Variants in XIRP2 observed in about 807,000 individuals in gnomAD.
XIRP2 encodes xin actin binding repeat containing 2.
Under a neutral mutation model 277.0 loss-of-function variants are expected in XIRP2, and 236 were observed. The observed-to-expected ratio is 0.85, with a 90% CI of 0.77 to 0.95. The LOEUF (loss-of-function observed/expected upper bound fraction) is 0.95. Ranked by LOEUF, XIRP2 falls within the 40% of genes least tolerant of loss-of-function variation. XIRP2 has a pLI of 0.00. For missense variants in XIRP2, 4,640 were observed against 4,157.5 expected, an observed-to-expected ratio of 1.12 and a Z score of -3.19; for synonymous variants, 1,490 against 1,416.5, an observed-to-expected ratio of 1.05 and a Z score of -1.17.
At position 167,248,833 on chromosome 2, in the gene XIRP2, G is replaced by T. The variant is rs369831621; in HGVS notation, c.7441G>T (p.Val2481Phe). 8 of 1,612,910 alleles carry T rather than the reference G, an allele frequency of 5.0e-6. No individual in the cohort carries two copies. In the African/African-American group the frequency reaches 1.1e-4, roughly 22 times the overall value. ...TGAACACACGGAGACAAAGCAGAAC[G>T]TTATTAGTAAGAGTCTTGATGAAAG... is the stretch of plus-strand genomic sequence containing the variant. ...SSEHTETKQNVISKSLDERKQ... is the reference protein window; with the variant it reads ...SSEHTETKQNFISKSLDERKQ... Residue 2481 changes from valine to phenylalanine, a missense_variant, in exon 9 of 11, where the codon GTT becomes TTT. Physicochemically the swap from Val to Phe is conservative, Grantham distance 50 (BLOSUM62 -1). Coordinates refer to ENST00000409195, the MANE Select transcript of XIRP2 (RefSeq NM_152381.6).
At chr2:167,235,044 G>A (rs1003465508) in intron 5 of XIRP2, among the ~76,000 whole-genome samples, 5 of 151,814 alleles carry the variant, frequency 3.3e-5, no homozygotes, top group African/African-American at 1.2e-4. Context: ...CTCTGTGTAT[G>A]TGTTTGCTCT....
intron 2 of XIRP2, among the ~76,000 whole-genome samples, chr2:167,051,962 T>C (rs1483054104): frequency 6.6e-6 from 1 of 152,078 alleles, no homozygotes; most frequent in African/African-American, 2.4e-5. Flanking sequence ...GAAATCTCAT[T>C]AATTTGATTA....
At chr2:167,189,478 C>T (rs551474418) in intron 3 of XIRP2, among the ~76,000 whole-genome samples, 7 of 152,206 alleles carry the variant, frequency 4.6e-5, no homozygotes, top group African/African-American at 1.7e-4. Context: ...TTATTTGTTT[C>T]CCACCTCCTC....
chr2:167,198,221 T>C (rs557070427), intron 3 of XIRP2, among the ~76,000 whole-genome samples: 1 of 152,328 alleles, frequency 6.6e-6, no homozygotes, highest in African/African-American at 2.4e-5. Flanking sequence ...ACTGACATCA[T>C]CTCTTTCTTT....
chr2:167,053,681 C>G (rs1688972545), intron 2 of XIRP2, among the ~76,000 whole-genome samples: 1 of 152,046 alleles, frequency 6.6e-6, no homozygotes, highest in Non-Finnish European at 1.5e-5. Flanking sequence ...TACTTCATAC[C>G]AATTTTAATA....
intron 2 of XIRP2, among the ~76,000 whole-genome samples, chr2:167,035,941 G>A (rs1203062822): frequency 6.6e-6 from 1 of 152,210 alleles, no homozygotes; most frequent in Non-Finnish European, 1.5e-5. Context: ...AGCTTGGGCT[G>A]TGGCTTCAGA....
intron 2 of XIRP2, among the ~76,000 whole-genome samples, chr2:167,066,596 A>T (rs535980559): frequency 6.6e-6 from 1 of 152,084 alleles, no homozygotes; most frequent in Non-Finnish European, 1.5e-5. Context: ...GAGTTACCAT[A>T]TTAACTAGCA....
At chr2:167,193,931 A>G (rs1693424928) in intron 3 of XIRP2, among the ~76,000 whole-genome samples, 1 of 151,690 alleles carries the variant, frequency 6.6e-6, no homozygotes, top group Non-Finnish European at 1.5e-5. Flanking sequence ...GTATCTTGTA[A>G]TTATTTGTAT....
intron 1 of XIRP2, among the ~76,000 whole-genome samples, chr2:166,897,690 A>G (rs965370790): frequency 1.1e-4 from 16 of 152,272 alleles, no homozygotes; most frequent in African/African-American, 3.1e-4. Context: ...TTCATGGAGA[A>G]GGTGTGGTTC....
chr2:166,917,562 A>C lies in XIRP2; in HGVS notation c.408+13672A>C, dbSNP rs1019222771. 2.0e-5 allele frequency among the ~76,000 whole-genome samples: 3 copies of C among 152,150 alleles called. No individual in the cohort carries two copies. The South Asian group carries it at 6.2e-4, about 31-fold the overall frequency. On this transcript the variant is annotated intron_variant, in intron 2 of 10. Coordinates refer to ENST00000409195, the MANE Select transcript of XIRP2 (RefSeq NM_152381.6). ...GCATGGCCTTTAAGACTTTCAGAGG[A>C]AACTGCCATCTCTTCCCATTTGTTT...
At chr2:167,096,555 C>A (rs1318636142) in intron 2 of XIRP2, among the ~76,000 whole-genome samples, 1 of 152,050 alleles carries the variant, frequency 6.6e-6, no homozygotes, top group Non-Finnish European at 1.5e-5. Context: ...TCCTTCACTT[C>A]TGTTTTGATC....
At chr2:167,053,600 C>T (rs1688970129) in intron 2 of XIRP2, among the ~76,000 whole-genome samples, 1 of 151,904 alleles carries the variant, frequency 6.6e-6, no homozygotes, top group South Asian at 2.1e-4. Context: ...GATATAATTA[C>T]CTTATTTTTA....
At chr2:167,084,361 T>C (rs1297843933) in intron 2 of XIRP2, among the ~76,000 whole-genome samples, 32 of 152,104 alleles carry the variant, frequency 2.1e-4, no homozygotes, top group African/African-American at 7.7e-4. Context: ...TATTGAGGAT[T>C]TTTGCATCAA....
At chr2:167,123,500 T>A (rs1484880580) in intron 2 of XIRP2, among the ~76,000 whole-genome samples, 2 of 138,238 alleles carry the variant, frequency 1.4e-5, no homozygotes, top group African/African-American at 6.3e-5. Flanking sequence ...AGAAAAAAAC[T>A]TTTTTTTGTT....
chr2:166,926,764 G>A (rs1332269331), intron 2 of XIRP2, among the ~76,000 whole-genome samples: 1 of 152,106 alleles, frequency 6.6e-6, no homozygotes. Context: ...ACAGTGAACA[G>A]ACTAGAGAGC....
intron 2 of XIRP2, chr2:167,124,639 A>G (rs1191631906): frequency 6.6e-6 from 1 of 152,214 alleles, no homozygotes; most frequent in Non-Finnish European, 1.5e-5. Context: ...GTCAAAAGTG[A>G]CTAGAGTACG....
At chr2:167,094,876 G>A (rs1045779214) in intron 2 of XIRP2, among the ~76,000 whole-genome samples, 1 of 152,038 alleles carries the variant, frequency 6.6e-6, no homozygotes, top group Admixed American at 6.6e-5. Context: ...AGCTTGATGG[G>A]GATAGCATTG....
intron 3 of XIRP2, among the ~76,000 whole-genome samples, chr2:167,151,051 G>T (rs140280761): frequency 6.8e-4 from 104 of 152,132 alleles, no homozygotes; most frequent in African/African-American, 2.3e-3. Flanking sequence ...CCTGTTTTGA[G>T]ATTTAGCTCA....
chr2:166,981,643 C>T (rs1326386625), intron 2 of XIRP2, among the ~76,000 whole-genome samples: 3 of 152,210 alleles, frequency 2.0e-5, no homozygotes, highest in South Asian at 2.1e-4. Context: ...TCAGGCAATC[C>T]GCCTGCCTCG....
Sources: allele counts gnomAD v4.1 joint callset (sites outside exome capture counted in the v4.1 genomes callset), GRCh38; gene constraint gnomAD v4.1.1; transcripts MANE v1.5; gene names NCBI Gene and HGNC (gene_info 2026-07-23, HGNC 2026-07-21).